The following SKP1 variants were observed in gnomAD, a reference collection of about 807,000 sequenced individuals.
SKP1 encodes S-phase kinase-associated protein 1.
A neutral mutation model predicts 21.5 loss-of-function variants in SKP1; 1 was observed. The observed-to-expected ratio is 0.05, with a 90% CI of 0.02 to 0.22. SKP1 has a LOEUF of 0.22. SKP1 is among the 10% of genes least tolerant of loss of function. The pLI, the probability that SKP1 is intolerant of heterozygous loss-of-function variation, is 1.00. For missense variants in SKP1, 70 were observed against 192.0 expected, an observed-to-expected ratio of 0.36 and a Z score of 3.76; for synonymous variants, 59 against 59.3, an observed-to-expected ratio of 0.99 and a Z score of 0.03.
In SKP1 at chr5:134,150,763, C is replaced by T. The variant is rs934003212; in HGVS notation, c.*6970G>A. The T allele has an allele frequency of 6.6e-6, 1 of 152,154 alleles. No individual in the cohort carries two copies. Among genetic ancestry groups the T allele is most frequent in the Non-Finnish European group, 1.5e-5 (1 of 68,024 alleles). 9.4% of individuals were successfully genotyped at this position (152,154 alleles called of 1,614,324 possible). ...TAACCTTGTTCCAAATCTCAAATCACCCTATGGGCATCTTTCAAATTCTGA... is the reference window on the plus strand; with the variant it reads ...TAACCTTGTTCCAAATCTCAAATCATCCTATGGGCATCTTTCAAATTCTGA... On this transcript the variant is annotated 3_prime_UTR_variant, in exon 6 of 6. Transcript: ENST00000353411.
Position 134,173,945 on chromosome 5 carries a change from A to C in SKP1, c.78T>G (p.Thr26=), listed in dbSNP as rs1360521022. The change falls in exon 2 of 6, where the codon ACT becomes ACG. Residue 26 remains threonine (T), a synonymous_variant. Coordinates refer to ENST00000353411, the MANE Select transcript of SKP1 (RefSeq NM_170679.3). ...VDVEIAKQSV[T]IKTMLEDLGM... is the part of the protein sequence containing the mutation. ...ACTTACCTTCCAACATGGTCTTAAT[A>C]GTCACAGATTGTTTGGCAATTTCCA... 2 of 1,601,602 alleles carry C rather than the reference A, an allele frequency of 1.2e-6. No homozygotes were observed. The highest frequency in any genetic ancestry group is 1.1e-5 in the South Asian group (1 of 90,784).
intron 3 of SKP1, among the ~76,000 whole-genome samples, chr5:134,166,168 G>C (rs148630890): frequency 0.014 from 2,068 of 150,748 alleles, 28 homozygotes; most frequent in African/African-American, 0.038. Context: ...CTGGGCAACA[G>C]GGCGAGGCTC....
intron 2 of SKP1, 113 bp from the exon 3 acceptor site, chr5:134,167,356 T>C: frequency 1.4e-6 from 1 of 699,720 alleles, no homozygotes; most frequent in Non-Finnish European, 2.5e-6. Flanking sequence ...GTTCTACATC[T>C]GTGGATTCAA....
chr5:134,168,389 CAG>C (rs934705709), intron 2 of SKP1, among the ~76,000 whole-genome samples: 1 of 152,108 alleles, frequency 6.6e-6, no homozygotes, highest in African/African-American at 2.4e-5. Flanking sequence ...ACGCACAAAA[CAG>C]ATCATGCAGC....
chr5:134,173,330 G>A (rs367842127), intron 2 of SKP1: 52 of 172,648 alleles, frequency 3.0e-4, no homozygotes, highest in African/African-American at 1.0e-3. Context: ...AAAAAAATCC[G>A]TCTCAAAAAA....
In SKP1 at chr5:134,148,983, TTATTTG is replaced by T. The variant is rs1760991808; in HGVS notation, c.*8744_*8749del. The T allele has an allele frequency of 3.9e-5, 6 of 152,376 alleles. No individual in the cohort carries two copies. The South Asian group carries it at 1.2e-3, about 32-fold the overall frequency. The allele number at this position is 152,376 out of a possible 1,614,324, so 9.4% of individuals were successfully genotyped here. A position where few individuals can be genotyped will look rare whatever the true frequency, so the allele number is the denominator to read the frequency against. ...CCACCATATCCACTTTATTTTTAGA[TTATTTG>T]TATACATTTAGGGGGTACAAATGCA... On this transcript the variant is annotated 3_prime_UTR_variant, in exon 6 of 6. Transcript: ENST00000353411.
At chr5:134,159,636 C>G (rs1396502806) in intron 4 of SKP1, among the ~76,000 whole-genome samples, 1 of 152,116 alleles carries the variant, frequency 6.6e-6, no homozygotes, top group Non-Finnish European at 1.5e-5. Flanking sequence ...CAAGCTCCAC[C>G]TCCCGGGTTC....
chr5:134,157,907 G>C (rs773329250), intron 5 of SKP1, 139 bp from the exon 6 acceptor site: 5 of 1,573,874 alleles, frequency 3.2e-6, no homozygotes, highest in Non-Finnish European at 3.4e-6. Flanking sequence ...ACCAGGTTAA[G>C]ACTATATTTC....
In SKP1 at chr5:134,163,125, G is replaced by T. The variant is rs139535455; in HGVS notation, c.172-1995C>A. On this transcript the variant is annotated intron_variant, in intron 3 of 5. Transcript: ENST00000353411. The stretch of plus-strand genomic sequence containing the variant: ...AGCTACTCAGAAGGCTGAGGCAAGA[G>T]AATCACTTGAGCCCAGGAGGCTGAG... 6.7e-3 allele frequency among the ~76,000 whole-genome samples: 972 copies of T among 144,122 alleles called. 8 individuals carry two copies. Among genetic ancestry groups the T allele is most frequent in the African/African-American group, 0.023 (899 of 38,564 alleles). The allele number at this position is 144,122 out of a possible 152,430, so 94.5% of individuals were successfully genotyped here.
intron 4 of SKP1, 25 bp downstream of exon 4, chr5:134,160,962 G>C (rs1023433473): frequency 1.0e-5 from 16 of 1,568,542 alleles, no homozygotes; most frequent in Non-Finnish European, 1.4e-5. Flanking sequence ...CTAGAGTAGA[G>C]CTATCTTACA....
rs563431451 is a variant in SKP1, at chr5:134,154,130, A to G, written c.*3603T>C. ...GGCAAGCTAACACATGGCACTTCAA[A>G]AGAGTAACTTGCTTCTACAACTTAA... is the stretch of plus-strand genomic sequence containing the variant. On this transcript the variant is annotated 3_prime_UTR_variant, in exon 6 of 6. Transcript: ENST00000353411. 6.6e-6 allele frequency: 1 copy of G among 152,284 alleles called. No individual in the cohort carries two copies. The highest frequency in any genetic ancestry group is 1.9e-4 in the East Asian group (1 of 5,182). 9.4% of individuals were successfully genotyped at this position (152,284 alleles called of 1,614,324 possible). A position where few individuals can be genotyped will look rare whatever the true frequency, so the allele number is the denominator to read the frequency against.
At position 134,151,525 on chromosome 5, in the gene SKP1, G is replaced by A. The variant is rs945437067; in HGVS notation, c.*6208C>T. The A allele has an allele frequency of 8.1e-5, 27 of 332,864 alleles. No individual in the cohort carries two copies. The highest frequency in any genetic ancestry group is 9.9e-5 in the Non-Finnish European group (16 of 161,986). The allele number at this position is 332,864 out of a possible 1,614,324, so 20.6% of individuals were successfully genotyped here. ...AAGAATTTTCACCAGATAGGTGGGA[G>A]GTATTCAAAGTGAGAGCACTTTAAG... On this transcript the variant is annotated 3_prime_UTR_variant, in exon 6 of 6. Coordinates refer to ENST00000353411, the MANE Select transcript of SKP1 (RefSeq NM_170679.3).
At chr5:134,162,990 G>A (rs1761247607) in intron 3 of SKP1, among the ~76,000 whole-genome samples, 1 of 151,892 alleles carries the variant, frequency 6.6e-6, no homozygotes, top group Non-Finnish European at 1.5e-5. Flanking sequence ...CAAGGTGGGT[G>A]ACTTACTTGA....
chr5:134,161,158 T>C, intron 3 of SKP1, 28 bp from the exon 4 acceptor site: 1 of 1,569,642 alleles, frequency 6.4e-7, no homozygotes, highest in Non-Finnish European at 8.7e-7. Context: ...CATTCCTCTG[T>C]GGCACTTTGT....
At chr5:134,171,961 T>C (rs1022788843) in intron 2 of SKP1, among the ~76,000 whole-genome samples, 1 of 152,210 alleles carries the variant, frequency 6.6e-6, no homozygotes, top group Non-Finnish European at 1.5e-5. Context: ...GGAGAAGTGC[T>C]TGAAGCCGGG....
rs1219403304 is a variant in SKP1 at position 134,154,631 on chromosome 5, G to C, written c.*3102C>G. 6.6e-6 allele frequency: 1 copy of C among 152,004 alleles called. No homozygotes were observed. Among genetic ancestry groups the C allele is most frequent in the Non-Finnish European group, 1.5e-5 (1 of 67,986 alleles). 9.4% of individuals were successfully genotyped at this position (152,004 alleles called of 1,614,324 possible). On this transcript the variant is annotated 3_prime_UTR_variant, in exon 6 of 6. Coordinates refer to ENST00000353411, the MANE Select transcript of SKP1 (RefSeq NM_170679.3). ...AGGACTGCCATGGAGTCCTTGAAAG[G>C]ACTTCATCATTAAAAGCAGCACACT...
chr5:134,174,905 C>A (rs1182595769), intron 1 of SKP1: 1 of 150,346 alleles, frequency 6.7e-6, no homozygotes, highest in Non-Finnish European at 1.5e-5. Flanking sequence ...ACAAGGAAAA[C>A]AACAACAACA....
chr5:134,158,720 G>GGATTCAACATTATAGAGGTAT, intron 4 of SKP1, 125 bp from the exon 5 acceptor site: 1 of 811,484 alleles, frequency 1.2e-6, no homozygotes, highest in Non-Finnish European at 2.0e-6. Context: ...AAAGGGAGAA[G>GGATTCAACATTATAGAGGTAT]AATAAATCAC....
intron 2 of SKP1, among the ~76,000 whole-genome samples, chr5:134,168,849 T>C (rs1411902623): frequency 6.6e-6 from 1 of 152,050 alleles, no homozygotes; most frequent in Non-Finnish European, 1.5e-5. Context: ...TCAAGAGCTC[T>C]AGTTTCATAA....
Sources: gnomAD v4.1 joint callset for allele counts (sites outside exome capture counted in the v4.1 genomes callset) on GRCh38, gnomAD v4.1.1 for gene constraint, MANE v1.5 for transcripts, NCBI Gene and HGNC (gene_info 2026-07-23, HGNC 2026-07-21) for gene names.